Variants in DNM2 observed in about 807,000 individuals in gnomAD.
DNM2 encodes dynamin-2.
A neutral mutation model predicts 99.0 loss-of-function variants in DNM2; 15 were observed. That is an observed-to-expected ratio of 0.15 (90% CI 0.10 to 0.23). The LOEUF (loss-of-function observed/expected upper bound fraction) is 0.23, where lower values mean the gene tolerates loss of function less well. DNM2 is among the 10% of genes least tolerant of loss of function. The pLI is 1.00. For synonymous variants in DNM2, 525 were observed against 481.2 expected (o/e 1.09, Z -1.19); for missense variants, 742 against 1,189.4 (o/e 0.62, Z 5.53).
chr19:10,740,712 T>TC (rs2069714562), intron 1 of DNM2, among the ~76,000 whole-genome samples: 1 of 152,196 alleles, frequency 6.6e-6, no homozygotes, highest in South Asian at 2.1e-4. Context: ...GTTGCTTACA[T>TC]CTATGAATTT....
chr19:10,730,266 C>T (rs1215700805), intron 1 of DNM2, among the ~76,000 whole-genome samples: 2 of 152,102 alleles, frequency 1.3e-5, no homozygotes, highest in African/African-American at 4.8e-5. Flanking sequence ...GGCTTGAGCT[C>T]AGGAGTTTGA....
intron 15 of DNM2, among the ~76,000 whole-genome samples, chr19:10,814,641 CCTT>C (rs2072672538): frequency 6.6e-6 from 1 of 152,164 alleles, no homozygotes; most frequent in South Asian, 2.1e-4. Context: ...TAGTATTTAT[CCTT>C]CTACTCTCCA....
At chr19:10,783,890 G>A (rs1361518970) in intron 6 of DNM2, among the ~76,000 whole-genome samples, 1 of 151,688 alleles carries the variant, frequency 6.6e-6, no homozygotes, top group Non-Finnish European at 1.5e-5. Context: ...TAGTAGAGAT[G>A]GAGTTTCACC....
At chr19:10,799,169 G>C (rs1421935241) in intron 11 of DNM2, among the ~76,000 whole-genome samples, 1 of 152,204 alleles carries the variant, frequency 6.6e-6, no homozygotes, top group East Asian at 1.9e-4. Flanking sequence ...CAAGGCTTCA[G>C]TAAGTTATGG....
In DNM2 at chr19:10,831,404, G is replaced by A. The variant is rs2073344929; in HGVS notation, c.*357G>A. The A allele has an allele frequency of 1.4e-5, 15 of 1,055,236 alleles. No homozygotes were observed. The highest frequency in any genetic ancestry group is 1.7e-5 in the Non-Finnish European group (15 of 875,120). The allele number at this position is 1,055,236 out of a possible 1,614,324, so 65.4% of individuals were successfully genotyped here. A position where few individuals can be genotyped will look rare whatever the true frequency, so the allele number is the denominator to read the frequency against. Reference sequence around the variant, plus strand: ...GGGCTGGGAAAGCCCATGTAGGGCAGGCCTTCTATAAGTGCGGGCACCAAG... The same window carrying A: ...GGGCTGGGAAAGCCCATGTAGGGCAAGCCTTCTATAAGTGCGGGCACCAAG... On this transcript the variant is annotated 3_prime_UTR_variant, in exon 21 of 21. Coordinates refer to ENST00000389253, the MANE Select transcript of DNM2 (RefSeq NM_001005361.3). The surrounding 1 kb of genome is among the most constrained non-coding windows in gnomAD (Gnocchi z 4.3).
chr19:10,779,502 C>CTTTCTTTTTTTTTTTTT (rs1290878626), intron 5 of DNM2, among the ~76,000 whole-genome samples: 2 of 29,602 alleles, frequency 6.8e-5, no homozygotes, highest in African/African-American at 1.4e-4. Context: ...TTCTTTCTTT[C>CTTTCTTTTTTTTTTTTT]TTTTTTTTTT....
chr19:10,768,220 G>A (rs997164047), intron 2 of DNM2, among the ~76,000 whole-genome samples: 16 of 152,282 alleles, frequency 1.1e-4, no homozygotes, highest in African/African-American at 3.4e-4. Flanking sequence ...TTGGGAGGCC[G>A]AGGCGGGTAG....
In DNM2 at chr19:10,811,094, C is replaced by A. The variant is rs1477372217; in HGVS notation, c.1558-1170C>A. The A allele has an allele frequency of 6.5e-6, 1 of 154,504 alleles. No individual in the cohort carries two copies. The highest frequency in any genetic ancestry group is 2.4e-5 in the African/African-American group (1 of 41,460). 9.6% of individuals were successfully genotyped at this position (154,504 alleles called of 1,614,324 possible). On this transcript the variant is annotated intron_variant, in intron 14 of 20. Coordinates refer to ENST00000389253, the MANE Select transcript of DNM2 (RefSeq NM_001005361.3). The surrounding 1 kb of genome is among the most constrained non-coding windows in gnomAD (Gnocchi z 5.4). ...CATCCCAGGGAGGGATAAGTCTGTA[C>A]CCTTGGCCTTAACAAGGGGCGCCCG...
At chr19:10,800,053 C>T (rs959525039) in intron 11 of DNM2, among the ~76,000 whole-genome samples, 2 of 152,054 alleles carry the variant, frequency 1.3e-5, no homozygotes, top group East Asian at 3.9e-4. Context: ...GATGAGGTTT[C>T]GCCATGTTGG....
chr19:10,798,088 C>G (rs1430804076), intron 10 of DNM2, among the ~76,000 whole-genome samples: 2 of 152,142 alleles, frequency 1.3e-5, no homozygotes, highest in Non-Finnish European at 2.9e-5. Context: ...CAGATACCCG[C>G]CTTACCATTC....
intron 1 of DNM2, among the ~76,000 whole-genome samples, chr19:10,729,349 ACT>A (rs367918393): frequency 9.9e-5 from 15 of 151,892 alleles, no homozygotes; most frequent in African/African-American, 3.6e-4. Context: ...CAAGAGCGAA[ACT>A]CTATCTCAAA....
chr19:10,819,899 C>A (rs2072918393), intron 15 of DNM2, 81 bp from the exon 16 acceptor site: 4 of 1,305,514 alleles, frequency 3.1e-6, no homozygotes, highest in Non-Finnish European at 4.4e-6. Context: ...CTGGTGGTGG[C>A]GCATGCTACA....
In DNM2 at chr19:10,816,895, G is replaced by A. The variant is rs147552892; in HGVS notation, c.1672-3085G>A. Among the ~76,000 whole-genome samples the A allele has an allele frequency of 5.3e-3, 808 of 152,244 alleles. 9 individuals are homozygous for A. Among genetic ancestry groups the A allele is most frequent in the African/African-American group, 0.018 (752 of 41,552 alleles). On this transcript the variant is annotated intron_variant, in intron 15 of 20. Transcript: ENST00000389253. This position sits in a 1 kb window ranked among gnomAD's most constrained non-coding sequence, Gnocchi z 4.6. ...CTGAGAGTTGAAAGCCAGAGCCCCC[G>A]ACCCTCCCGTGGAGCCCCACACTGG...
chr19:10,802,658 C>G lies in DNM2; in HGVS notation c.1493+300C>G, dbSNP rs1015480113. 2.1e-5 allele frequency: 10 copies of G among 470,438 alleles called. No individual in the cohort carries two copies. In the Admixed American group the frequency reaches 3.3e-4, roughly 16 times the overall value. 29.1% of individuals were successfully genotyped at this position (470,438 alleles called of 1,614,324 possible). A position where few individuals can be genotyped will look rare whatever the true frequency, so the allele number is the denominator to read the frequency against. On this transcript the variant is annotated intron_variant, in intron 12 of 20. Coordinates refer to ENST00000389253, the MANE Select transcript of DNM2 (RefSeq NM_001005361.3). ...GCCAGCCAGCTGCTGCACCCCCTCT[C>G]CTTCAGGACTTCTCAGAGCCTTTAG...
intron 1 of DNM2, among the ~76,000 whole-genome samples, chr19:10,744,990 A>G (rs957404840): frequency 3.3e-5 from 5 of 152,204 alleles, no homozygotes; most frequent in African/African-American, 1.2e-4. Context: ...GAAAGTTACA[A>G]GGTCAACACT....
Position 10,797,430 on chromosome 19 carries a change from A to G in DNM2, c.1247A>G (p.Gln416Arg), listed in dbSNP as rs751196600. The change falls in exon 10 of 21, where the codon CAG becomes CGG. Residue 416 changes from glutamine (Q) to arginine (R), a missense_variant. Transcript: ENST00000389253. ...DMAFEAIVKK[Q>R]IVKLKEPSLK... ...GCCTTTGAAGCCATTGTGAAAAAACAGATTGTAAAACTCAAAGAGCCGAGT... is the reference window on the plus strand; with the variant it reads ...GCCTTTGAAGCCATTGTGAAAAAACGGATTGTAAAACTCAAAGAGCCGAGT... 5.6e-6 allele frequency: 9 copies of G among 1,613,944 alleles called. No individual in the cohort carries two copies. The South Asian group carries it at 7.7e-5, about 14-fold the overall frequency.
intron 1 of DNM2, among the ~76,000 whole-genome samples, chr19:10,740,163 C>T (rs2069691288): frequency 6.6e-6 from 1 of 151,918 alleles, no homozygotes; most frequent in Admixed American, 6.6e-5. Context: ...CTCTTTTTCT[C>T]TTGGTTAATC....
intron 10 of DNM2, 46 bp downstream of exon 10, chr19:10,797,564 C>A: frequency 6.2e-7 from 1 of 1,613,368 alleles, no homozygotes; most frequent in Non-Finnish European, 8.5e-7. Flanking sequence ...CGTCCTCCCC[C>A]TCCATGTGTT....
chr19:10,823,990 C>T, intron 17 of DNM2, 91 bp downstream of exon 17: 1 of 1,252,700 alleles, frequency 8.0e-7, no homozygotes, highest in Non-Finnish European at 1.1e-6. Context: ...ATTTTCAGGC[C>T]ATGTTAGCCA....
Sources: allele counts gnomAD v4.1 joint callset (sites outside exome capture counted in the v4.1 genomes callset), GRCh38; gene constraint gnomAD v4.1.1; non-coding constraint Gnocchi (gnomAD v3.1); transcripts MANE v1.5; gene names NCBI Gene and HGNC (gene_info 2026-07-23, HGNC 2026-07-21).